PRP4K: variants seen among roughly 807,000 people sequenced by gnomAD.
The protein encoded by PRP4K is serine/threonine-protein kinase PRP4 homolog.
chr6:4,047,340 GTAA>G, the PRP4K span: 1 of 1,069,842 alleles, frequency 9.3e-7, no homozygotes, highest in Non-Finnish European at 1.4e-6. Flanking sequence ...TAAAGCAAAT[GTAA>G]TAAATATTTT....
At chr6:4,030,294 G>T in the PRP4K span, among the ~76,000 whole-genome samples, 1 of 152,028 alleles carries the variant, frequency 6.6e-6, no homozygotes, top group African/African-American at 2.4e-5. Flanking sequence ...TGGTTGGTGA[G>T]TTTTTTTTAA....
the PRP4K span, chr6:4,031,609 T>C: frequency 3.2e-6 from 5 of 1,586,418 alleles, no homozygotes; most frequent in Admixed American, 3.9e-5. Context: ...AATGGAGAAG[T>C]ATCAGAAGAC....
the PRP4K span, chr6:4,037,720 A>G: frequency 7.9e-6 from 5 of 631,432 alleles, no homozygotes; most frequent in African/African-American, 1.9e-5. Context: ...ATCTCTACAC[A>G]TGGGTTTTCT....
At chr6:4,042,651 G>A in the PRP4K span, 1 of 1,000,962 alleles carries the variant, frequency 1.0e-6, no homozygotes, top group African/African-American at 1.7e-5. Context: ...AATAACAGTT[G>A]AACAGGTCCT....
At chr6:4,047,901 T>TACACACACAC in the PRP4K span, among the ~76,000 whole-genome samples, 81 of 142,108 alleles carry the variant, frequency 5.7e-4, no homozygotes, top group African/African-American at 1.8e-3. Context: ...CATGTATATG[T>TACACACACAC]ACACACACAC....
At chr6:4,046,367 T>C in the PRP4K span, among the ~76,000 whole-genome samples, 1 of 152,226 alleles carries the variant, frequency 6.6e-6, no homozygotes, top group Non-Finnish European at 1.5e-5. Flanking sequence ...TTAATTTGCA[T>C]TTCCCTTAAT....
At chr6:4,060,783 A>AACT in the PRP4K span, 2 of 704,264 alleles carry the variant, frequency 2.8e-6, no homozygotes, top group Non-Finnish European at 4.7e-6. The surrounding 1 kb of genome is among the most constrained non-coding windows in gnomAD (Gnocchi z 4.7). Context: ...GATGTTAGTT[A>AACT]ATCTGTTTTG....
the PRP4K span, chr6:4,032,615 C>G: frequency 6.2e-7 from 1 of 1,614,036 alleles, no homozygotes; most frequent in East Asian, 2.2e-5. Flanking sequence ...CAAGAAGAAG[C>G]AGGTCTCCAC....
At chr6:4,054,151 T>C in the PRP4K span, among the ~76,000 whole-genome samples, 1 of 152,158 alleles carries the variant, frequency 6.6e-6, no homozygotes, top group Non-Finnish European at 1.5e-5. Flanking sequence ...ATCCTCCTGC[T>C]GCAGCCTCCC....
At chr6:4,022,361 C>T in the PRP4K span, among the ~76,000 whole-genome samples, 1 of 150,038 alleles carries the variant, frequency 6.7e-6, no homozygotes, top group Non-Finnish European at 1.5e-5. Flanking sequence ...TAACTTAAAG[C>T]AGTATTTTGC....
At chr6:4,027,613 T>TGGGGG in the PRP4K span, among the ~76,000 whole-genome samples, 7 of 38,552 alleles carry the variant, frequency 1.8e-4, no homozygotes, top group African/African-American at 6.2e-4. Flanking sequence ...GGGGGTGGGG[T>TGGGGG]GGGGGTTGGT....
the PRP4K span, chr6:4,021,358 T>C: frequency 1.9e-6 from 3 of 1,548,890 alleles, no homozygotes; most frequent in South Asian, 2.4e-5. Context: ...TCCTTCTTCC[T>C]CCACTTCCCC....
chr6:4,055,055 T>C, the PRP4K span, among the ~76,000 whole-genome samples: 4 of 152,352 alleles, frequency 2.6e-5, no homozygotes, highest in East Asian at 7.7e-4. Context: ...CTGATTTTTG[T>C]TAATGAAAAT....
the PRP4K span, among the ~76,000 whole-genome samples, chr6:4,046,262 T>C: frequency 6.6e-6 from 1 of 152,230 alleles, no homozygotes; most frequent in East Asian, 1.9e-4. Context: ...TCTTTCTGAG[T>C]GCTTGTATAT....
At chr6:4,047,039 A>C in the PRP4K span, 3 of 698,026 alleles carry the variant, frequency 4.3e-6, no homozygotes, top group Non-Finnish European at 5.1e-6. Flanking sequence ...AAGTGATTCT[A>C]AATTGAATAC....
At chr6:4,023,653 T>A in the PRP4K span, among the ~76,000 whole-genome samples, 1 of 152,262 alleles carries the variant, frequency 6.6e-6, no homozygotes, top group Non-Finnish European at 1.5e-5. Context: ...CCAGAGGGAA[T>A]GTTTTAAGAC....
chr6:4,049,682 G>C, the PRP4K span: 1 of 1,535,638 alleles, frequency 6.5e-7, no homozygotes, highest in East Asian at 2.3e-5. Context: ...CCTACTTTCT[G>C]ATTCTATTTA....
At chr6:4,026,411 T>TCCTG in the PRP4K span, among the ~76,000 whole-genome samples, 1 of 151,276 alleles carries the variant, frequency 6.6e-6, no homozygotes, top group East Asian at 2.0e-4. Context: ...CAAGCACTTC[T>TCCTG]CCTGCCTCAG....
the PRP4K span, chr6:4,031,711 A>G: frequency 6.2e-7 from 1 of 1,601,972 alleles, no homozygotes; most frequent in East Asian, 2.2e-5. Flanking sequence ...GAAGAAGACA[A>G]GGATAAAAAA....
Sources: allele counts gnomAD v4.1 joint callset (sites outside exome capture counted in the v4.1 genomes callset), GRCh38; gene constraint gnomAD v4.1.1; non-coding constraint Gnocchi (gnomAD v3.1); transcripts MANE v1.5; gene names NCBI Gene and HGNC (gene_info 2026-07-23, HGNC 2026-07-21).